HCN1: variants seen among roughly 807,000 people sequenced by gnomAD.
HCN1 encodes the protein potassium/sodium hyperpolarization-activated cyclic nucleotide-gated channel 1.
A neutral mutation model predicts 78.9 loss-of-function variants in HCN1; 13 were observed. The ratio of observed to expected loss-of-function variants is 0.16; its 90% CI spans 0.11 to 0.26. The LOEUF is 0.26. HCN1 is among the 10% of genes least tolerant of loss of function. The probability of loss-of-function intolerance (pLI) is 1.00; values close to 1 mark genes in which losing one functional copy is unlikely to be tolerated. For missense variants in HCN1, 810 were observed against 1,154.3 expected (o/e 0.70, Z 4.32); for synonymous variants, 552 against 455.5 (o/e 1.21, Z -2.70).
At chr5:45,449,390 T>C (rs1047547112) in intron 3 of HCN1, among the ~76,000 whole-genome samples, 5 of 152,192 alleles carry the variant, frequency 3.3e-5, no homozygotes, top group African/African-American at 9.6e-5. Context: ...CACTTAACTC[T>C]AACCAACAAA....
intron 1 of HCN1, among the ~76,000 whole-genome samples, chr5:45,657,800 A>C (rs1745804764): frequency 1.3e-5 from 2 of 152,248 alleles, no homozygotes; most frequent in South Asian, 4.1e-4. Context: ...AATATCATGA[A>C]AATGGCCATA....
At chr5:45,457,389 C>T (rs1308639939) in intron 3 of HCN1, among the ~76,000 whole-genome samples, 2 of 152,040 alleles carry the variant, frequency 1.3e-5, no homozygotes, top group African/African-American at 4.8e-5. Flanking sequence ...CACAAAATGT[C>T]ATGGGAATAA....
intron 2 of HCN1, among the ~76,000 whole-genome samples, chr5:45,525,625 AC>A (rs1225311554): frequency 2.0e-5 from 3 of 152,058 alleles, no homozygotes; most frequent in African/African-American, 7.2e-5. Flanking sequence ...ATTACCCCAA[AC>A]TAAGTTCAAG....
At chr5:45,493,555 C>A (rs1284915018) in intron 2 of HCN1, among the ~76,000 whole-genome samples, 1 of 151,092 alleles carries the variant, frequency 6.6e-6, no homozygotes, top group Non-Finnish European at 1.5e-5. Context: ...ATATATTTAC[C>A]AATGTATTTC....
intron 2 of HCN1, among the ~76,000 whole-genome samples, chr5:45,620,342 C>T (rs904828738): frequency 1.3e-5 from 2 of 151,646 alleles, no homozygotes; most frequent in Non-Finnish European, 1.5e-5. Flanking sequence ...TACAATATAC[C>T]CAATCTAATT....
At chr5:45,612,001 C>G (rs1744848823) in intron 2 of HCN1, among the ~76,000 whole-genome samples, 1 of 152,096 alleles carries the variant, frequency 6.6e-6, no homozygotes, top group Non-Finnish European at 1.5e-5. Context: ...AACAAGTTTT[C>G]AGAGTTTATG....
At chr5:45,513,420 A>G (rs760998415) in intron 2 of HCN1, among the ~76,000 whole-genome samples, 12 of 152,178 alleles carry the variant, frequency 7.9e-5, no homozygotes, top group Non-Finnish European at 1.5e-4. Context: ...TAGAATCAAG[A>G]TAATTCCTAC....
chr5:45,666,891 A>G (rs1378410061), intron 1 of HCN1, among the ~76,000 whole-genome samples: 4 of 152,052 alleles, frequency 2.6e-5, no homozygotes, highest in Non-Finnish European at 1.5e-5. Flanking sequence ...GAAAATGCAG[A>G]CAAATTGGAA....
intron 3 of HCN1, among the ~76,000 whole-genome samples, chr5:45,412,094 A>G (rs1740036366): frequency 6.6e-6 from 1 of 152,148 alleles, no homozygotes; most frequent in East Asian, 1.9e-4. Flanking sequence ...AATTATCAGC[A>G]TACATTTCTT....
chr5:45,423,440 C>A (rs1740268256), intron 3 of HCN1, among the ~76,000 whole-genome samples: 1 of 152,166 alleles, frequency 6.6e-6, no homozygotes, highest in African/African-American at 2.4e-5. Flanking sequence ...CTTCACAAAG[C>A]CTCCACTGTA....
At chr5:45,523,363 G>A (rs1399925277) in intron 2 of HCN1, among the ~76,000 whole-genome samples, 3 of 151,820 alleles carry the variant, frequency 2.0e-5, no homozygotes, top group South Asian at 2.1e-4. Flanking sequence ...TAGTCCTTTG[G>A]GTATATACTC....
intron 4 of HCN1, among the ~76,000 whole-genome samples, chr5:45,392,841 A>C (rs1739611924): frequency 6.6e-6 from 1 of 151,978 alleles, no homozygotes; most frequent in Admixed American, 6.6e-5. Flanking sequence ...ACAAAACTTG[A>C]TAAATTTGTC....
intron 2 of HCN1, among the ~76,000 whole-genome samples, chr5:45,633,069 AAG>A (rs1276168446): frequency 6.6e-6 from 1 of 151,806 alleles, no homozygotes; most frequent in East Asian, 1.9e-4. Flanking sequence ...CTACAAGAAA[AAG>A]AGAGAGAGAG....
chr5:45,277,955 C>T (rs1281123317), intron 6 of HCN1, among the ~76,000 whole-genome samples: 8 of 152,128 alleles, frequency 5.3e-5, no homozygotes, highest in African/African-American at 1.9e-4. Flanking sequence ...CTGTGGTTTC[C>T]TGATGGACAA....
At chr5:45,429,883 T>C (rs1740428341) in intron 3 of HCN1, among the ~76,000 whole-genome samples, 1 of 151,872 alleles carries the variant, frequency 6.6e-6, no homozygotes, top group Admixed American at 6.6e-5. Context: ...TCATGGGGCA[T>C]AGGGGAGAAG....
At chr5:45,470,129 A>G (rs1741361445) in intron 2 of HCN1, among the ~76,000 whole-genome samples, 1 of 152,072 alleles carries the variant, frequency 6.6e-6, no homozygotes, top group Non-Finnish European at 1.5e-5. Flanking sequence ...TCACAGTTAC[A>G]TCATGCATTG....
intron 6 of HCN1, among the ~76,000 whole-genome samples, chr5:45,294,895 T>G (rs1356274194): frequency 6.6e-6 from 1 of 152,078 alleles, no homozygotes; most frequent in Non-Finnish European, 1.5e-5. Context: ...AGAAACAAAC[T>G]GAGTTTGAAA....
At chr5:45,348,415 C>T (rs1458095401) in intron 5 of HCN1, among the ~76,000 whole-genome samples, 3 of 152,136 alleles carry the variant, frequency 2.0e-5, no homozygotes, top group South Asian at 2.1e-4. Context: ...AAAAATCACA[C>T]CAAATTGCAA....
intron 3 of HCN1, among the ~76,000 whole-genome samples, chr5:45,418,413 G>C (rs1320349728): frequency 6.7e-6 from 1 of 148,750 alleles, no homozygotes; most frequent in Non-Finnish European, 1.5e-5. Flanking sequence ...TGAGCTCTGT[G>C]ATAGGCTAAA....
Sources: allele counts gnomAD v4.1 joint callset (sites outside exome capture counted in the v4.1 genomes callset), GRCh38; gene constraint gnomAD v4.1.1; transcripts MANE v1.5; gene names NCBI Gene and HGNC (gene_info 2026-07-23, HGNC 2026-07-21).